The following DCUN1D4 variants were observed in gnomAD, a reference collection of about 807,000 sequenced individuals.
DCUN1D4 encodes the protein defective in cullin neddylation 1 domain containing 4, also known as DCN1-like protein 4.
A neutral mutation model predicts 47.9 loss-of-function variants in DCUN1D4; 22 were observed. The ratio of observed to expected loss-of-function variants is 0.46; its 90% CI spans 0.33 to 0.66. DCUN1D4 has a LOEUF of 0.66. Ranked by LOEUF, DCUN1D4 falls within the 30% of genes least tolerant of loss-of-function variation. The probability of loss-of-function intolerance (pLI) is 0.02; values close to 1 mark genes in which losing one functional copy is unlikely to be tolerated. For synonymous variants in DCUN1D4, 121 were observed against 112.2 expected, an observed-to-expected ratio of 1.08 and a Z score of -0.50; for missense variants, 301 against 340.8, an observed-to-expected ratio of 0.88 and a Z score of 0.92.
chr4:51,853,366 T>C (rs897958823), intron 1 of DCUN1D4, among the ~76,000 whole-genome samples: 1 of 152,236 alleles, frequency 6.6e-6, no homozygotes, highest in African/African-American at 2.4e-5. Flanking sequence ...AGCAAATATT[T>C]ATTGATGAGG....
chr4:51,878,912 T>G (rs1257615329), intron 5 of DCUN1D4, among the ~76,000 whole-genome samples: 15 of 152,172 alleles, frequency 9.9e-5, no homozygotes, highest in Admixed American at 9.8e-4. Flanking sequence ...CATGCAACCC[T>G]TTTTGTGATA....
In DCUN1D4 at chr4:51,915,814, C is replaced by T. The variant is rs1034423044; in HGVS notation, c.*2230C>T. On this transcript the variant is annotated 3_prime_UTR_variant, in exon 11 of 11. Transcript: ENST00000334635. ...CATTTTGATGGTAGGGAAAAAACTG[C>T]GTAAAAACTATTGCATTATGTATGA... 4 of 152,390 alleles carry T rather than the reference C, an allele frequency of 2.6e-5. No individual in the cohort carries two copies. The highest frequency in any genetic ancestry group is 7.2e-5 in the African/African-American group (3 of 41,400). 9.4% of individuals were successfully genotyped at this position (152,390 alleles called of 1,614,324 possible). A position where few individuals can be genotyped will look rare whatever the true frequency, so the allele number is the denominator to read the frequency against.
intron 8 of DCUN1D4, among the ~76,000 whole-genome samples, chr4:51,908,150 T>G (rs1733178854): frequency 6.6e-6 from 1 of 152,222 alleles, no homozygotes. Context: ...ACTTCTATTT[T>G]TAATCTGCAT....
At chr4:51,863,817 A>C in intron 3 of DCUN1D4, 108 bp downstream of exon 3, 1 of 1,190,844 alleles carries the variant, frequency 8.4e-7, no homozygotes, top group Non-Finnish European at 1.2e-6. Context: ...TCCATTAACA[A>C]ATTGTTCCTT....
At chr4:51,900,336 T>C (rs532605744) in intron 8 of DCUN1D4, among the ~76,000 whole-genome samples, 9 of 152,328 alleles carry the variant, frequency 5.9e-5, no homozygotes, top group African/African-American at 1.7e-4. Context: ...TACAACCTTC[T>C]AGTTAAATCA....
chr4:51,881,893 T>G (rs1390499908), intron 5 of DCUN1D4, among the ~76,000 whole-genome samples: 1 of 152,038 alleles, frequency 6.6e-6, no homozygotes, highest in Non-Finnish European at 1.5e-5. Flanking sequence ...TAGGGCTGGG[T>G]GCAGTTGGTC....
chr4:51,861,370 T>C (rs1401093892), intron 1 of DCUN1D4, among the ~76,000 whole-genome samples: 3 of 152,028 alleles, frequency 2.0e-5, no homozygotes, highest in African/African-American at 4.8e-5. Flanking sequence ...GTGAAAGATG[T>C]TTGGAGTATG....
At chr4:51,837,679 A>G in the DCUN1D4 span, among the ~76,000 whole-genome samples, 4 of 150,498 alleles carry the variant, frequency 2.7e-5, no homozygotes, top group East Asian at 3.9e-4. Context: ...AAAAAAAAAA[A>G]AAAAAAGAAA....
intron 8 of DCUN1D4, among the ~76,000 whole-genome samples, chr4:51,902,686 T>C (rs975835576): frequency 6.6e-6 from 1 of 152,224 alleles, no homozygotes; most frequent in Admixed American, 6.5e-5. Context: ...TCTGACAATA[T>C]GTGTTTTAAC....
intron 6 of DCUN1D4, among the ~76,000 whole-genome samples, chr4:51,889,484 T>C (rs1263855693): frequency 6.6e-6 from 1 of 152,252 alleles, no homozygotes; most frequent in Non-Finnish European, 1.5e-5. Flanking sequence ...TCTTGTTAGT[T>C]AACTTATGAA....
intron 6 of DCUN1D4, 167 bp downstream of exon 6, chr4:51,886,805 C>T (rs769497044): frequency 5.0e-6 from 3 of 605,214 alleles, no homozygotes; most frequent in Admixed American, 6.0e-5. Flanking sequence ...GCAGATTCTC[C>T]ATTCTTGTAA....
At position 51,915,396 on chromosome 4, in the gene DCUN1D4, T is replaced by G. The variant is rs1438488406; in HGVS notation, c.*1812T>G. The G allele has an allele frequency of 3.3e-5, 5 of 152,588 alleles. No homozygotes were observed. The highest frequency in any genetic ancestry group is 5.9e-5 in the Non-Finnish European group (4 of 68,022). The allele number at this position is 152,588 out of a possible 1,614,324, so 9.5% of individuals were successfully genotyped here. ...CCACTCCTTATTTGTAGATTCACTT[T>G]CAACCTTAAAAATTAATACCAGTTT... On this transcript the variant is annotated 3_prime_UTR_variant, in exon 11 of 11. Coordinates refer to ENST00000334635, the MANE Select transcript of DCUN1D4 (RefSeq NM_001040402.3).
At chr4:51,908,970 G>GC (rs1560521679) in intron 8 of DCUN1D4, 1 of 456,312 alleles carries the variant, frequency 2.2e-6, no homozygotes, top group Non-Finnish European at 4.4e-6. Context: ...CCCTTGCAGA[G>GC]CAGGAGTAAG....
rs1246745895 is a variant in DCUN1D4 at position 51,874,390 on chromosome 4, G to C, written c.251+5G>C. Reference sequence around the variant, plus strand: ...CAAGAAAAGTAGACATGATAGGTATGATGTAGAGACAGTAGATCAGAATCA... The same window carrying C: ...CAAGAAAAGTAGACATGATAGGTATCATGTAGAGACAGTAGATCAGAATCA... On this transcript the variant is annotated splice_donor_5th_base_variant and intron_variant, in intron 4 of 10. Coordinates refer to ENST00000334635, the MANE Select transcript of DCUN1D4 (RefSeq NM_001040402.3). 1 of 1,589,792 alleles carries C rather than the reference G, an allele frequency of 6.3e-7. No homozygotes were observed. The highest frequency in any genetic ancestry group is 1.1e-5 in the South Asian group (1 of 90,052).
Position 51,913,680 on chromosome 4 carries a change from C to G in DCUN1D4, c.*96C>G. ...TTGTATCAAAGCGCATGCTGCTTCTCTTGCACTGTTTCCCTTTCGCAGGGA... is the reference window on the plus strand; with the variant it reads ...TTGTATCAAAGCGCATGCTGCTTCTGTTGCACTGTTTCCCTTTCGCAGGGA... On this transcript the variant is annotated 3_prime_UTR_variant, in exon 11 of 11. Transcript: ENST00000334635. 2 of 1,118,136 alleles carry G rather than the reference C, an allele frequency of 1.8e-6. No homozygotes were observed. Among genetic ancestry groups the G allele is most frequent in the Non-Finnish European group, 2.7e-6 (2 of 746,114 alleles). 69.3% of individuals were successfully genotyped at this position (1,118,136 alleles called of 1,614,324 possible).
intron 1 of DCUN1D4, among the ~76,000 whole-genome samples, chr4:51,860,845 C>T (rs1018072427): frequency 2.6e-5 from 4 of 152,148 alleles, no homozygotes; most frequent in African/African-American, 9.7e-5. Flanking sequence ...CATATCCAAA[C>T]TATATCACCA....
At chr4:51,898,370 T>TA (rs1294627629) in intron 7 of DCUN1D4, among the ~76,000 whole-genome samples, 1 of 152,172 alleles carries the variant, frequency 6.6e-6, no homozygotes, top group Non-Finnish European at 1.5e-5. Context: ...GGGGCAGACT[T>TA]ACCGCTAGTG....
At chr4:51,881,122 C>T (rs893522732) in intron 5 of DCUN1D4, among the ~76,000 whole-genome samples, 3 of 151,432 alleles carry the variant, frequency 2.0e-5, no homozygotes, top group Non-Finnish European at 2.9e-5. Context: ...AGTGAGACTC[C>T]GTCTCAAAAA....
chr4:51,913,217 C>T, intron 9 of DCUN1D4, 73 bp from the exon 10 acceptor site: 1 of 928,588 alleles, frequency 1.1e-6, no homozygotes, highest in Non-Finnish European at 1.7e-6. Flanking sequence ...TAAGTTGATT[C>T]ATAAAGCAAT....
Sources: allele counts gnomAD v4.1 joint callset (sites outside exome capture counted in the v4.1 genomes callset), GRCh38; gene constraint gnomAD v4.1.1; transcripts MANE v1.5; gene names NCBI Gene and HGNC (gene_info 2026-07-23, HGNC 2026-07-21).